The following GRAMD2B variants were observed in gnomAD, a reference collection of about 807,000 sequenced individuals.
GRAMD2B encodes the protein GRAM domain containing 2B.
Under a neutral mutation model 59.2 loss-of-function variants are expected in GRAMD2B, and 41 were observed. The observed-to-expected ratio is 0.69, with a 90% CI of 0.54 to 0.90. The LOEUF (loss-of-function observed/expected upper bound fraction) is 0.90. Among genes scored for constraint, GRAMD2B ranks in the 40% least tolerant of loss-of-function variants. GRAMD2B has a pLI of 0.00. For synonymous variants in GRAMD2B, 161 were observed against 182.7 expected, an observed-to-expected ratio of 0.88 and a Z score of 0.96; for missense variants, 424 against 500.5, an observed-to-expected ratio of 0.85 and a Z score of 1.46.
chr5:126,420,963 G>A (rs756053126), upstream of GRAMD2B, among the ~76,000 whole-genome samples: 7 of 152,156 alleles, frequency 4.6e-5, no homozygotes, highest in Non-Finnish European at 1.0e-4. Context: ...ACATTACACT[G>A]AGTGAAACAA....
At chr5:126,446,645 T>C (rs1432129876) in intron 1 of GRAMD2B, among the ~76,000 whole-genome samples, 2 of 147,436 alleles carry the variant, frequency 1.4e-5, no homozygotes, top group African/African-American at 5.0e-5. Flanking sequence ...AAAAAACCTA[T>C]GTGTTCTCAA....
chr5:126,477,825 C>A, intron 6 of GRAMD2B, 38 bp downstream of exon 6: 1 of 1,247,396 alleles, frequency 8.0e-7, no homozygotes, highest in Non-Finnish European at 1.2e-6. Flanking sequence ...TTTGCTTTGT[C>A]CTCCTGCTCT....
At chr5:126,481,986 A>AAG (rs1491019959) in intron 8 of GRAMD2B, among the ~76,000 whole-genome samples, 3 of 72,110 alleles carry the variant, frequency 4.2e-5, no homozygotes, top group African/African-American at 1.5e-4. Flanking sequence ...AAAAAAAAAA[A>AAG]GGGGAGATGA....
At chr5:126,376,542 C>T (rs1755201081) in intron 1 of GRAMD2B, among the ~76,000 whole-genome samples, 1 of 152,210 alleles carries the variant, frequency 6.6e-6, no homozygotes, top group Admixed American at 6.5e-5. Context: ...ACTTCTCCTG[C>T]TGTTACAAAA....
chr5:126,433,471 T>C (rs1255528272), intron 1 of GRAMD2B: 1 of 152,246 alleles, frequency 6.6e-6, no homozygotes, highest in Non-Finnish European at 1.5e-5. Flanking sequence ...CTTTTGTGTG[T>C]GTGTTTTCTA....
At chr5:126,423,142 C>T (rs1189644151), upstream of GRAMD2B, 1 of 994,382 alleles carries the variant, frequency 1.0e-6, no homozygotes, top group Non-Finnish European at 1.2e-6. Context: ...TCTCCATTTC[C>T]GGTATCTAGA....
At chr5:126,394,057 G>A (rs1165206712) in intron 1 of GRAMD2B, among the ~76,000 whole-genome samples, 3 of 152,098 alleles carry the variant, frequency 2.0e-5, no homozygotes, top group Middle Eastern at 3.2e-3. Context: ...GGCAGATCAC[G>A]AGGTGAGGAG....
Position 126,414,766 on chromosome 5 carries a change from G to A in GRAMD2B, c.125+43199G>A, listed in dbSNP as rs111679544. 5.7e-3 allele frequency among the ~76,000 whole-genome samples: 869 copies of A among 152,220 alleles called. 14 individuals carry two copies. Among genetic ancestry groups the A allele is most frequent in the South Asian group, 0.027 (132 of 4,820 alleles). On this transcript the variant is annotated intron_variant, in intron 1 of 8. Coordinates refer to the GRAMD2B transcript ENST00000506445. The stretch of plus-strand genomic sequence containing the variant: ...TTACAGGCATGAGCCACCATGCCCC[G>A]CCTGGTATGCTTTTAAACGTAGAAG...
chr5:126,389,341 A>G (rs937293960), intron 1 of GRAMD2B, among the ~76,000 whole-genome samples: 1 of 152,110 alleles, frequency 6.6e-6, no homozygotes, highest in Admixed American at 6.5e-5. Flanking sequence ...CATCTCACAT[A>G]TTGCTTTATT....
At chr5:126,416,266 A>G (rs1401572413) in intron 1 of GRAMD2B, among the ~76,000 whole-genome samples, 1 of 152,230 alleles carries the variant, frequency 6.6e-6, no homozygotes, top group Non-Finnish European at 1.5e-5. Context: ...GGTAAGTAGC[A>G]TGAACCAAAG....
Position 126,432,790 on chromosome 5 carries a change from A to G in GRAMD2B, c.83+9101A>G, listed in dbSNP as rs146043274. Among the ~76,000 whole-genome samples the G allele has an allele frequency of 2.5e-3, 375 of 152,342 alleles. 5 individuals are homozygous for G. The highest frequency in any genetic ancestry group is 0.014 in the Middle Eastern group (4 of 294). On this transcript the variant is annotated intron_variant, in intron 1 of 13. Coordinates refer to ENST00000285689, the MANE Select transcript of GRAMD2B (RefSeq NM_023927.4). Reference sequence around the variant, plus strand: ...TGTGAAGTTGGTAGATTTCTTAGGTATGTTCTCGATTTGATCAGGATCTTT... The same window carrying G: ...TGTGAAGTTGGTAGATTTCTTAGGTGTGTTCTCGATTTGATCAGGATCTTT...
chr5:126,457,191 CAAAAAAAAAAAAAAAAA>C (rs559904336), intron 1 of GRAMD2B, among the ~76,000 whole-genome samples: 1 of 63,982 alleles, frequency 1.6e-5, no homozygotes, highest in Non-Finnish European at 2.9e-5. Flanking sequence ...GACTCCGTCT[CAAAAAAAAAAAAAAAAA>C]AAAAAAAAAA....
At chr5:126,387,822 A>G (rs1411336693) in intron 1 of GRAMD2B, among the ~76,000 whole-genome samples, 1 of 152,158 alleles carries the variant, frequency 6.6e-6, no homozygotes, top group Non-Finnish European at 1.5e-5. Flanking sequence ...AAAATGAAGA[A>G]TTGTCTTTAG....
At chr5:126,435,310 G>A (rs1309561755) in intron 1 of GRAMD2B, among the ~76,000 whole-genome samples, 8 of 152,192 alleles carry the variant, frequency 5.3e-5, no homozygotes, top group East Asian at 1.9e-4. Flanking sequence ...TGTTTGAAGC[G>A]AGGTTGATGG....
chr5:126,444,072 G>T (rs2126626817), intron 1 of GRAMD2B, among the ~76,000 whole-genome samples: 1 of 151,706 alleles, frequency 6.6e-6, no homozygotes, highest in East Asian at 1.9e-4. Flanking sequence ...AAAGAGAGAG[G>T]CCTTCCAGCA....
At position 126,493,199 on chromosome 5, in the gene GRAMD2B, AC is replaced by A; in HGVS notation, c.*246del. 2.0e-6 allele frequency: 1 copy of A among 509,778 alleles called. No individual in the cohort carries two copies. Among genetic ancestry groups the A allele is most frequent in the Non-Finnish European group, 3.5e-6 (1 of 282,916 alleles). The allele number at this position is 509,778 out of a possible 1,614,324, so 31.6% of individuals were successfully genotyped here. Reference sequence around the variant, plus strand: ...TGCTGCTTTTGCCTGAAGAAAACAGACCCATCTCTGGAGGTCTCAGGAAGGG... The same window carrying A: ...TGCTGCTTTTGCCTGAAGAAAACAGACCATCTCTGGAGGTCTCAGGAAGGG... On this transcript the variant is annotated 3_prime_UTR_variant, in exon 14 of 14. Transcript: ENST00000285689.
chr5:126,382,231 T>C (rs1409920683), intron 1 of GRAMD2B, among the ~76,000 whole-genome samples: 1 of 152,226 alleles, frequency 6.6e-6, no homozygotes, highest in Non-Finnish European at 1.5e-5. Flanking sequence ...TTTGGGTGTC[T>C]AGGCCTCTAG....
chr5:126,456,329 G>A (rs1561549570), intron 1 of GRAMD2B, among the ~76,000 whole-genome samples: 1 of 152,008 alleles, frequency 6.6e-6, no homozygotes, highest in Non-Finnish European at 1.5e-5. Context: ...TCCCACCTCA[G>A]CATCCTGAGC....
At chr5:126,414,397 CTA>C (rs1759082702) in intron 1 of GRAMD2B, among the ~76,000 whole-genome samples, 2 of 152,082 alleles carry the variant, frequency 1.3e-5, no homozygotes, top group South Asian at 4.1e-4. Context: ...AAAATAAAAA[CTA>C]AATTCTGACT....
Sources: gnomAD v4.1 joint callset for allele counts (sites outside exome capture counted in the v4.1 genomes callset) on GRCh38, gnomAD v4.1.1 for gene constraint, MANE v1.5 for transcripts, NCBI Gene and HGNC (gene_info 2026-07-23, HGNC 2026-07-21) for gene names.